The following DGKB variants were observed in gnomAD, a reference collection of about 807,000 sequenced individuals.
DGKB encodes diacylglycerol kinase beta.
Under a neutral mutation model 114.3 loss-of-function variants are expected in DGKB, and 67 were observed. The ratio of observed to expected loss-of-function variants is 0.59; its 90% confidence interval spans 0.48 to 0.72. The LOEUF (loss-of-function observed/expected upper bound fraction) is 0.72. Ranked by LOEUF, DGKB falls within the 30% of genes least tolerant of loss-of-function variation. The pLI is 0.00. For synonymous variants in DGKB, 398 were observed against 323.1 expected (o/e 1.23, Z -2.49); for missense variants, 907 against 975.2 (o/e 0.93, Z 0.93).
chr7:14,650,042 T>C (rs139858430), intron 13 of DGKB, among the ~76,000 whole-genome samples: 4,676 of 151,944 alleles, frequency 0.031, 257 homozygotes, highest in African/African-American at 0.11. Flanking sequence ...CACGCATTAA[T>C]AAAGGGAGAC....
chr7:14,814,280 C>T (rs1177240852), intron 2 of DGKB: 1 of 152,090 alleles, frequency 6.6e-6, no homozygotes, highest in South Asian at 2.1e-4. Flanking sequence ...TTGGCTACGA[C>T]CATTACAACC....
intron 23 of DGKB, among the ~76,000 whole-genome samples, chr7:14,233,796 G>A (rs1047979511): frequency 6.6e-6 from 1 of 151,832 alleles, no homozygotes; most frequent in Non-Finnish European, 1.5e-5. Context: ...ACCACAGGTC[G>A]AAGAAGAGAA....
intron 2 of DGKB, among the ~76,000 whole-genome samples, chr7:14,788,601 G>T (rs1298968502): frequency 6.6e-6 from 1 of 152,118 alleles, no homozygotes; most frequent in African/African-American, 2.4e-5. Flanking sequence ...ACTATGGGTA[G>T]CCCATATCAC....
intron 20 of DGKB, among the ~76,000 whole-genome samples, chr7:14,487,247 C>T (rs1305917146): frequency 6.6e-6 from 1 of 152,166 alleles, no homozygotes; most frequent in East Asian, 1.9e-4. Flanking sequence ...AACAACACGC[C>T]TGTCCCTAGC....
chr7:14,585,445 C>T (rs541593482), intron 17 of DGKB, among the ~76,000 whole-genome samples: 1 of 152,288 alleles, frequency 6.6e-6, no homozygotes, highest in South Asian at 2.1e-4. Flanking sequence ...ACTTTTCCCA[C>T]TTACATTGGT....
At chr7:14,608,819 A>G (rs1804989848) in intron 16 of DGKB, among the ~76,000 whole-genome samples, 2 of 151,990 alleles carry the variant, frequency 1.3e-5, no homozygotes, top group Non-Finnish European at 2.9e-5. Flanking sequence ...CATTTACAAG[A>G]GTCACACACA....
At chr7:14,960,836 T>C (rs1786801623) in intron 1 of DGKB, among the ~76,000 whole-genome samples, 1 of 152,124 alleles carries the variant, frequency 6.6e-6, no homozygotes, top group African/African-American at 2.4e-5. Context: ...TCCCAGATGT[T>C]ATAATTTATA....
At chr7:14,939,144 C>G (rs951619734) in intron 1 of DGKB, among the ~76,000 whole-genome samples, 11 of 152,056 alleles carry the variant, frequency 7.2e-5, no homozygotes, top group Admixed American at 1.3e-4. Flanking sequence ...CTATATTACC[C>G]TAAATTAGGC....
chr7:14,194,584 T>C (rs1784762771), intron 23 of DGKB, among the ~76,000 whole-genome samples: 1 of 152,130 alleles, frequency 6.6e-6, no homozygotes, highest in African/African-American at 2.4e-5. Context: ...CAGTGTGAAA[T>C]GTTGCATTCC....
chr7:14,675,561 G>A (rs1037487640), intron 12 of DGKB, among the ~76,000 whole-genome samples: 1 of 151,740 alleles, frequency 6.6e-6, no homozygotes, highest in Non-Finnish European at 1.5e-5. Flanking sequence ...TCAGAGCATA[G>A]GTACTGACAG....
At chr7:14,551,293 A>G (rs1030970357) in intron 20 of DGKB, among the ~76,000 whole-genome samples, 2 of 152,224 alleles carry the variant, frequency 1.3e-5, no homozygotes, top group Non-Finnish European at 2.9e-5. Context: ...TACAGTTAAC[A>G]TAGACCCAAT....
At chr7:14,337,558 G>T (rs1474167490) in intron 23 of DGKB, among the ~76,000 whole-genome samples, 2 of 151,976 alleles carry the variant, frequency 1.3e-5, no homozygotes, top group Admixed American at 1.3e-4. Flanking sequence ...CTTGAACCAG[G>T]TACTCAAAGA....
At chr7:14,612,897 C>T (rs1250351574) in intron 16 of DGKB, among the ~76,000 whole-genome samples, 1 of 152,024 alleles carries the variant, frequency 6.6e-6, no homozygotes, top group Non-Finnish European at 1.5e-5. Flanking sequence ...TGTACTTCTC[C>T]AGGAAATATG....
intron 21 of DGKB, among the ~76,000 whole-genome samples, chr7:14,447,446 T>G (rs1464568546): frequency 6.6e-6 from 1 of 152,110 alleles, no homozygotes; most frequent in Non-Finnish European, 1.5e-5. Flanking sequence ...GTACATTAAT[T>G]TATTGATATG....
chr7:14,925,439 G>A (rs1784698067), intron 1 of DGKB, among the ~76,000 whole-genome samples: 1 of 152,110 alleles, frequency 6.6e-6, no homozygotes, highest in Non-Finnish European at 1.5e-5. Context: ...CAGATGCAAG[G>A]CTTTGCTTGA....
intron 21 of DGKB, among the ~76,000 whole-genome samples, chr7:14,433,364 C>A (rs1439100420): frequency 6.6e-6 from 1 of 152,092 alleles, no homozygotes; most frequent in Non-Finnish European, 1.5e-5. Flanking sequence ...ATATCAGAAT[C>A]TTTTATCTAA....
chr7:14,764,734 C>T (rs1836211410), intron 2 of DGKB, among the ~76,000 whole-genome samples: 1 of 151,296 alleles, frequency 6.6e-6, no homozygotes, highest in African/African-American at 2.4e-5. Flanking sequence ...TGTCTGATTG[C>T]TACACGGGGA....
chr7:14,918,987 C>A (rs1252403501), intron 1 of DGKB, among the ~76,000 whole-genome samples: 1 of 151,266 alleles, frequency 6.6e-6, no homozygotes, highest in African/African-American at 2.4e-5. Flanking sequence ...CGTTTGAACC[C>A]AGGAGGCGGA....
intron 20 of DGKB, among the ~76,000 whole-genome samples, chr7:14,487,855 C>T (rs1210944702): frequency 6.6e-6 from 1 of 151,632 alleles, no homozygotes; most frequent in Non-Finnish European, 1.5e-5. Flanking sequence ...TCAAGTGATT[C>T]TCCTACTTCA....
Sources: allele counts gnomAD v4.1 joint callset (sites outside exome capture counted in the v4.1 genomes callset), GRCh38; gene constraint gnomAD v4.1.1; transcripts MANE v1.5; gene names NCBI Gene and HGNC (gene_info 2026-07-23, HGNC 2026-07-21).